EDN1: variants seen among roughly 807,000 people sequenced by gnomAD.
EDN1 encodes endothelin 1.
In EDN1, 11 loss-of-function variants were observed where a neutral mutation model predicts 21.7. The observed-to-expected ratio is 0.51, with a 90% CI of 0.32 to 0.84. The LOEUF (loss-of-function observed/expected upper bound fraction) is 0.84, where lower values mean the gene tolerates loss of function less well. EDN1 is among the 40% of genes least tolerant of loss of function. The probability of loss-of-function intolerance (pLI) is 0.03; values close to 1 mark genes in which losing one functional copy is unlikely to be tolerated. For synonymous variants in EDN1, 85 were observed against 90.6 expected, an observed-to-expected ratio of 0.94 and a Z score of 0.35; for missense variants, 244 against 262.3, an observed-to-expected ratio of 0.93 and a Z score of 0.48.
the EDN1 span, among the ~76,000 whole-genome samples, chr6:12,268,884 T>C: frequency 1.3e-5 from 2 of 152,308 alleles, no homozygotes; most frequent in East Asian, 3.9e-4. Flanking sequence ...ATTGGTATTT[T>C]GATAGGGATT....
the EDN1 span, among the ~76,000 whole-genome samples, chr6:12,249,840 C>G: frequency 6.6e-6 from 1 of 151,856 alleles, no homozygotes; most frequent in African/African-American, 2.4e-5. Context: ...CCTCTCTGAC[C>G]CCCTCAGGGT....
At chr6:12,258,588 T>C in the EDN1 span, among the ~76,000 whole-genome samples, 1 of 151,376 alleles carries the variant, frequency 6.6e-6, no homozygotes, top group Non-Finnish European at 1.5e-5. Context: ...AAGGTGAAAA[T>C]CCAAAGCGTG....
the EDN1 span, among the ~76,000 whole-genome samples, chr6:12,282,963 G>A: frequency 6.6e-6 from 1 of 151,878 alleles, no homozygotes; most frequent in African/African-American, 2.4e-5. Flanking sequence ...TGTATGCAGG[G>A]GTTTTTAAGC....
At chr6:12,251,325 T>TA in the EDN1 span, among the ~76,000 whole-genome samples, 7 of 152,160 alleles carry the variant, frequency 4.6e-5, no homozygotes, top group Non-Finnish European at 4.4e-5. Context: ...TAGATCTTGC[T>TA]AAAAATCAAT....
chr6:12,293,393 T>C (rs925523719), intron 2 of EDN1, among the ~76,000 whole-genome samples: 10 of 152,090 alleles, frequency 6.6e-5, no homozygotes, highest in African/African-American at 2.4e-4. Flanking sequence ...TCCACAACCA[T>C]ATGGTACCAC....
upstream of EDN1, among the ~76,000 whole-genome samples, chr6:12,286,517 G>A (rs1378073358): frequency 1.3e-5 from 2 of 152,210 alleles, no homozygotes; most frequent in Non-Finnish European, 2.9e-5. Flanking sequence ...CTTTGCCTAT[G>A]ATAAAATACT....
At chr6:12,292,160 G>GTGAA (rs1012422277) in intron 1 of EDN1, among the ~76,000 whole-genome samples, 181 bp from the exon 2 acceptor site, 2 of 145,446 alleles carry the variant, frequency 1.4e-5, no homozygotes, top group African/African-American at 5.6e-5. Flanking sequence ...GAGGCAAAAG[G>GTGAA]TGAACTCATG....
upstream of EDN1, among the ~76,000 whole-genome samples, chr6:12,286,100 G>A (rs568492200): frequency 7.2e-5 from 11 of 152,326 alleles, no homozygotes; most frequent in African/African-American, 2.6e-4. Flanking sequence ...AAGTAAAAAT[G>A]TACAGGTGGC....
the EDN1 span, among the ~76,000 whole-genome samples, chr6:12,266,445 G>A: frequency 6.6e-6 from 1 of 152,316 alleles, no homozygotes; most frequent in East Asian, 1.9e-4. Context: ...GCTAATCAAT[G>A]CCCTGGAACT....
intron 2 of EDN1, among the ~76,000 whole-genome samples, chr6:12,293,534 A>C (rs187607502): frequency 6.6e-6 from 1 of 152,308 alleles, no homozygotes. Context: ...AAATCCTGTG[A>C]GTCATGGTTT....
chr6:12,291,042 G>C (rs955655622), intron 1 of EDN1, among the ~76,000 whole-genome samples: 7 of 152,120 alleles, frequency 4.6e-5, no homozygotes, highest in African/African-American at 1.7e-4. Context: ...GTTTATACAG[G>C]TACACAGGCC....
chr6:12,255,466 A>G, the EDN1 span, among the ~76,000 whole-genome samples: 2 of 152,246 alleles, frequency 1.3e-5, no homozygotes, highest in African/African-American at 2.4e-5. Context: ...GCTAAAGAGT[A>G]GAGGTACTCT....
At chr6:12,238,903 A>G in the EDN1 span, among the ~76,000 whole-genome samples, 1 of 152,262 alleles carries the variant, frequency 6.6e-6, no homozygotes, top group Non-Finnish European at 1.5e-5. Context: ...GTATAAATAT[A>G]TACAGCACTG....
the EDN1 span, among the ~76,000 whole-genome samples, chr6:12,261,155 G>A: frequency 6.6e-6 from 1 of 152,168 alleles, no homozygotes; most frequent in African/African-American, 2.4e-5. Context: ...TTAGTAGATT[G>A]TGGAGTACTC....
At chr6:12,250,520 G>T in the EDN1 span, among the ~76,000 whole-genome samples, 3 of 152,196 alleles carry the variant, frequency 2.0e-5, no homozygotes, top group South Asian at 6.2e-4. Flanking sequence ...CTAAGAGTTT[G>T]TTATGCTTTG....
the EDN1 span, among the ~76,000 whole-genome samples, chr6:12,238,842 A>T: frequency 6.6e-6 from 1 of 152,206 alleles, no homozygotes; most frequent in Non-Finnish European, 1.5e-5. Flanking sequence ...CCCAGTGAAG[A>T]TGAATTAGAA....
chr6:12,234,503 G>A, the EDN1 span, among the ~76,000 whole-genome samples: 4 of 152,208 alleles, frequency 2.6e-5, no homozygotes, highest in East Asian at 1.9e-4. Flanking sequence ...GTGAGGAAAC[G>A]GAGGCGGAGG....
At chr6:12,254,265 G>A in the EDN1 span, among the ~76,000 whole-genome samples, 2 of 152,108 alleles carry the variant, frequency 1.3e-5, no homozygotes, top group Admixed American at 1.3e-4. Context: ...TTCTCACCTT[G>A]AGGGTGTTTC....
chr6:12,290,823 G>C (rs1372018473), intron 1 of EDN1, 130 bp downstream of exon 1: 2 of 816,966 alleles, frequency 2.4e-6, no homozygotes, highest in East Asian at 5.1e-5. Flanking sequence ...AAGTGTCTGA[G>C]AATTATTGCT....
Sources: gnomAD v4.1 joint callset for allele counts (sites outside exome capture counted in the v4.1 genomes callset) on GRCh38, gnomAD v4.1.1 for gene constraint, MANE v1.5 for transcripts, NCBI Gene and HGNC (gene_info 2026-07-23, HGNC 2026-07-21) for gene names.